The following HEMK2 variants were observed in gnomAD, a reference collection of about 807,000 sequenced individuals.
HEMK2 encodes methyltransferase HEMK2.
At chr21:28,782,375 T>G in the HEMK2 span, among the ~76,000 whole-genome samples, 1 of 152,232 alleles carries the variant, frequency 6.6e-6, no homozygotes, top group African/African-American at 2.4e-5. Flanking sequence ...AATGGACCTA[T>G]ATCTTCAGGG....
chr21:28,580,774 T>C, the HEMK2 span, among the ~76,000 whole-genome samples: 220 of 152,270 alleles, frequency 1.4e-3, 2 homozygotes, highest in East Asian at 0.024. Flanking sequence ...TTGTCTCCCC[T>C]GCCCTTTCTG....
At chr21:28,813,709 G>C in the HEMK2 span, among the ~76,000 whole-genome samples, 1 of 152,092 alleles carries the variant, frequency 6.6e-6, no homozygotes, top group African/African-American at 2.4e-5. Context: ...AAAACAGCAG[G>C]TACTGGTACC....
At chr21:28,623,921 G>A in the HEMK2 span, among the ~76,000 whole-genome samples, 15 of 152,142 alleles carry the variant, frequency 9.9e-5, no homozygotes, top group Non-Finnish European at 1.8e-4. Flanking sequence ...ACCATGGCAC[G>A]TGTATACCTA....
At chr21:28,610,324 C>T in the HEMK2 span, among the ~76,000 whole-genome samples, 1 of 152,034 alleles carries the variant, frequency 6.6e-6, no homozygotes, top group African/African-American at 2.4e-5. Flanking sequence ...AAATGAAGGA[C>T]AGATAGTCTT....
the HEMK2 span, chr21:28,876,367 C>G: frequency 2.6e-6 from 4 of 1,509,914 alleles, no homozygotes; most frequent in Non-Finnish European, 3.6e-6. Flanking sequence ...TCCAGTAGTT[C>G]TGGGCACACA....
chr21:28,656,465 A>T, the HEMK2 span, among the ~76,000 whole-genome samples: 2 of 151,936 alleles, frequency 1.3e-5, no homozygotes, highest in Non-Finnish European at 2.9e-5. Context: ...CCACTTAGGA[A>T]TAAGAACATA....
chr21:28,751,234 G>GAAA, the HEMK2 span, among the ~76,000 whole-genome samples: 1 of 125,394 alleles, frequency 8.0e-6, no homozygotes. Flanking sequence ...CTGTCTCAAT[G>GAAA]AAAAAAAAAA....
At chr21:28,753,050 G>A in the HEMK2 span, among the ~76,000 whole-genome samples, 8 of 152,304 alleles carry the variant, frequency 5.3e-5, no homozygotes, top group African/African-American at 1.9e-4. Context: ...CTGTGGTGAT[G>A]CCTTGGTGCG....
the HEMK2 span, among the ~76,000 whole-genome samples, chr21:28,771,487 G>C: frequency 7.0e-6 from 1 of 143,856 alleles, no homozygotes; most frequent in Non-Finnish European, 1.5e-5. Context: ...TAGGGGTGCC[G>C]TGAAAAATTC....
At chr21:28,833,329 G>T in the HEMK2 span, among the ~76,000 whole-genome samples, 1 of 152,362 alleles carries the variant, frequency 6.6e-6, no homozygotes, top group Non-Finnish European at 1.5e-5. Context: ...CCAGAGATGT[G>T]ATGTGGAGAT....
chr21:28,610,123 C>T, the HEMK2 span, among the ~76,000 whole-genome samples: 1 of 151,992 alleles, frequency 6.6e-6, no homozygotes, highest in Non-Finnish European at 1.5e-5. Context: ...TTTATAGTCA[C>T]GACAAAGGAA....
chr21:28,737,675 A>T, the HEMK2 span, among the ~76,000 whole-genome samples: 24,277 of 151,910 alleles, frequency 0.16, 2,193 homozygotes, highest in East Asian at 0.25. Flanking sequence ...TACGATGAAA[A>T]TTTGTAAGGA....
the HEMK2 span, among the ~76,000 whole-genome samples, chr21:28,738,838 A>T: frequency 6.6e-6 from 1 of 152,240 alleles, no homozygotes; most frequent in East Asian, 1.9e-4. Context: ...ACTTCAGCAC[A>T]TGCACTTCTG....
At chr21:28,866,175 A>AACCAC in the HEMK2 span, among the ~76,000 whole-genome samples, 1 of 76,234 alleles carries the variant, frequency 1.3e-5, no homozygotes, top group Admixed American at 1.6e-4. Flanking sequence ...CAAAAAAAAA[A>AACCAC]ACACACACAC....
the HEMK2 span, among the ~76,000 whole-genome samples, chr21:28,665,923 T>TA: frequency 2.6e-5 from 4 of 152,120 alleles, no homozygotes; most frequent in East Asian, 1.9e-4. Context: ...TGTCCATTTT[T>TA]TAAAAAAAAT....
chr21:28,835,792 A>C, the HEMK2 span, among the ~76,000 whole-genome samples: 1 of 152,214 alleles, frequency 6.6e-6, no homozygotes, highest in Non-Finnish European at 1.5e-5. Context: ...CTTAAAGAAA[A>C]ACAATCAAAA....
chr21:28,666,879 T>C, the HEMK2 span, among the ~76,000 whole-genome samples: 1 of 152,200 alleles, frequency 6.6e-6, no homozygotes, highest in Non-Finnish European at 1.5e-5. Flanking sequence ...GAGATTTCTA[T>C]ATTATGGGAA....
the HEMK2 span, among the ~76,000 whole-genome samples, chr21:28,605,402 G>A: frequency 6.6e-6 from 1 of 152,210 alleles, no homozygotes; most frequent in Non-Finnish European, 1.5e-5. Context: ...GTGGAGAATG[G>A]CACTCATGTG....
the HEMK2 span, among the ~76,000 whole-genome samples, chr21:28,833,779 C>T: frequency 6.6e-6 from 1 of 152,194 alleles, no homozygotes; most frequent in African/African-American, 2.4e-5. Flanking sequence ...TTTCTCACTA[C>T]ATTTGCAGTG....
Sources: allele counts gnomAD v4.1 joint callset (sites outside exome capture counted in the v4.1 genomes callset), GRCh38; gene constraint gnomAD v4.1.1; transcripts MANE v1.5; gene names NCBI Gene and HGNC (gene_info 2026-07-23, HGNC 2026-07-21).